Variants in ASZ1 observed in about 807,000 individuals in gnomAD.
ASZ1 encodes the protein ankyrin repeat, SAM and basic leucine zipper domain containing 1, also known as ankyrin repeat, SAM and basic leucine zipper domain-containing protein 1.
Under a neutral mutation model 61.8 loss-of-function variants are expected in ASZ1, and 67 were observed. The observed-to-expected ratio is 1.08, with a 90% CI of 0.89 to 1.33. The LOEUF (loss-of-function observed/expected upper bound fraction) is 1.33, where lower values mean the gene tolerates loss of function less well. ASZ1 is among the 40% of genes most tolerant of loss of function. ASZ1 has a pLI of 0.00. For missense variants in ASZ1, 577 were observed against 554.5 expected (o/e 1.04, Z -0.41); for synonymous variants, 193 against 192.7 (o/e 1.00, Z -0.01).
At chr7:117,371,260 A>G (rs1796046223) in intron 10 of ASZ1, among the ~76,000 whole-genome samples, 1 of 152,216 alleles carries the variant, frequency 6.6e-6, no homozygotes, top group African/African-American at 2.4e-5. Flanking sequence ...AATGAAAATA[A>G]TAGCAAACTT....
At chr7:117,390,229 G>A (rs1484836521) in intron 4 of ASZ1, among the ~76,000 whole-genome samples, 6 of 151,888 alleles carry the variant, frequency 4.0e-5, no homozygotes, top group African/African-American at 1.5e-4. Context: ...TAGTGCAGTG[G>A]TACAATCATG....
At chr7:117,382,216 T>C in intron 7 of ASZ1, 72 bp from the exon 8 acceptor site, 1 of 915,362 alleles carries the variant, frequency 1.1e-6, no homozygotes, top group African/African-American at 1.7e-5. Context: ...TACATTTATA[T>C]TGCAAGAGAA....
At chr7:117,380,162 AT>A in intron 9 of ASZ1, 115 bp from the exon 10 acceptor site, 1 of 660,486 alleles carries the variant, frequency 1.5e-6, no homozygotes, top group East Asian at 2.8e-5. Context: ...ATAGGCATAT[AT>A]TGGAAAAATA....
In ASZ1 at chr7:117,367,434, A is replaced by C; in HGVS notation, c.1193T>G (p.Phe398Cys). 2 of 1,555,668 alleles carry C rather than the reference A, an allele frequency of 1.3e-6. No homozygotes were observed. The highest frequency in any genetic ancestry group is 2.5e-5 in the South Asian group (2 of 80,258). Residue 398 changes from phenylalanine to cysteine, a missense_variant, in exon 12 of 13, where the codon TTT (phenylalanine) becomes TGT (cysteine). Transcript: ENST00000284629. ...ITLEWASPQN[F>C]TSVCEELVNN... ...AACCAATTCTTCACAAACTGAAGTA[A>C]AATTCTGGGGAGAAGCCCATTCCAG... is the stretch of plus-strand genomic sequence containing the variant.
At chr7:117,384,318 A>C (rs1796308271) in intron 6 of ASZ1, among the ~76,000 whole-genome samples, 1 of 152,150 alleles carries the variant, frequency 6.6e-6, no homozygotes, top group African/African-American at 2.4e-5. Flanking sequence ...TAAGGAATTT[A>C]ATTTTTAAAT....
chr7:117,372,844 T>C (rs55901305), intron 10 of ASZ1, among the ~76,000 whole-genome samples: 19,158 of 152,164 alleles, frequency 0.13, 2,791 homozygotes, highest in African/African-American at 0.36. Flanking sequence ...TGACCTTTTA[T>C]ATTGTGCCTT....
chr7:117,402,703 C>A (rs1193106791), intron 4 of ASZ1, among the ~76,000 whole-genome samples: 1 of 152,100 alleles, frequency 6.6e-6, no homozygotes, highest in Non-Finnish European at 1.5e-5. Flanking sequence ...AGGACTAATA[C>A]CCTATAAAGC....
Position 117,385,734 on chromosome 7 carries a change from T to C in ASZ1, c.516A>G (p.Gly172=), listed in dbSNP as rs1796341204. 6 of 1,612,924 alleles carry C rather than the reference T, an allele frequency of 3.7e-6. No individual in the cohort carries two copies. Among genetic ancestry groups the C allele is most frequent in the Non-Finnish European group, 4.2e-6 (5 of 1,179,212 alleles). The change falls in exon 5 of 13, where the codon GGA becomes GGG. Residue 172 remains glycine (G), a synonymous_variant. Transcript: ENST00000284629. ...TQVVALLVAH[G]AEVNTQDENG... is the part of the protein sequence containing the mutation. ...TCTCATCCTGGGTATTAACTTCTGC[T>C]CCATGAGCAACAAGGAGAGCAACAA...
intron 4 of ASZ1, among the ~76,000 whole-genome samples, chr7:117,389,102 T>C (rs1796415021): frequency 6.6e-6 from 1 of 152,154 alleles, no homozygotes; most frequent in Non-Finnish European, 1.5e-5. Flanking sequence ...CATATATAAA[T>C]ACAGGGTGAT....
intron 4 of ASZ1, among the ~76,000 whole-genome samples, chr7:117,412,532 AT>A (rs1308818059): frequency 6.6e-6 from 1 of 151,842 alleles, no homozygotes; most frequent in Non-Finnish European, 1.5e-5. Context: ...AGTAGGCAAC[AT>A]TTTTTCCAAA....
At chr7:117,370,740 T>C (rs565175960) in intron 10 of ASZ1, among the ~76,000 whole-genome samples, 1 of 151,362 alleles carries the variant, frequency 6.6e-6, no homozygotes, top group African/African-American at 2.4e-5. Flanking sequence ...TTCTGGGGAG[T>C]CCTTTAACAG....
chr7:117,418,590 T>C (rs1797040139), intron 4 of ASZ1, among the ~76,000 whole-genome samples: 1 of 151,692 alleles, frequency 6.6e-6, no homozygotes, highest in Admixed American at 6.6e-5. Context: ...GAGGCAGAGG[T>C]TGCAGTGAGC....
At chr7:117,427,288 G>A in intron 1 of ASZ1, 68 bp downstream of exon 1, 1 of 1,516,408 alleles carries the variant, frequency 6.6e-7, no homozygotes, top group Non-Finnish European at 9.2e-7. Flanking sequence ...TCACGAGGCT[G>A]GGCCTCGCCT....
At chr7:117,366,523 T>G (rs900364092) in intron 12 of ASZ1, among the ~76,000 whole-genome samples, 1 of 151,998 alleles carries the variant, frequency 6.6e-6, no homozygotes, top group African/African-American at 2.4e-5. Flanking sequence ...AAGTGAGCTC[T>G]TTAGTCGACT....
intron 10 of ASZ1, among the ~76,000 whole-genome samples, chr7:117,371,168 A>T (rs1796044261): frequency 6.6e-6 from 1 of 152,114 alleles, no homozygotes; most frequent in Admixed American, 6.6e-5. Flanking sequence ...TTACTTGTAG[A>T]AGTTTTGACT....
chr7:117,393,953 AAAGAG>A (rs1796528259), intron 4 of ASZ1, among the ~76,000 whole-genome samples: 1 of 152,192 alleles, frequency 6.6e-6, no homozygotes. Flanking sequence ...ACTATTCAAC[AAAGAG>A]AAAAGTTAAT....
At chr7:117,423,861 CAAA>C (rs1300803626) in intron 2 of ASZ1, among the ~76,000 whole-genome samples, 3 of 104,190 alleles carry the variant, frequency 2.9e-5, no homozygotes, top group African/African-American at 3.6e-5. Context: ...GACTCCATCT[CAAA>C]AAAAAAAAAA....
chr7:117,413,074 A>G (rs1796927221), intron 4 of ASZ1, among the ~76,000 whole-genome samples: 1 of 151,892 alleles, frequency 6.6e-6, no homozygotes, highest in Non-Finnish European at 1.5e-5. Context: ...TTCAACTATA[A>G]TTTAGGGAAC....
intron 5 of ASZ1, 111 bp downstream of exon 5, chr7:117,385,587 G>T: frequency 1.1e-6 from 1 of 883,430 alleles, no homozygotes. Context: ...TTTTTCACCA[G>T]ATAGCAATTA....
Sources: allele counts gnomAD v4.1 joint callset (sites outside exome capture counted in the v4.1 genomes callset), GRCh38; gene constraint gnomAD v4.1.1; transcripts MANE v1.5; gene names NCBI Gene and HGNC (gene_info 2026-07-23, HGNC 2026-07-21).